VPS13B: variants seen among roughly 807,000 people sequenced by gnomAD.
The protein encoded by VPS13B is intermembrane lipid transfer protein VPS13B.
A neutral mutation model predicts 426.4 loss-of-function variants in VPS13B; 285 were observed. That is an observed-to-expected ratio of 0.67 (90% CI 0.61 to 0.74). VPS13B has a LOEUF of 0.74. Ranked by LOEUF, VPS13B falls within the 30% of genes least tolerant of loss-of-function variation. The pLI is 0.00. For synonymous variants in VPS13B, 1,676 were observed against 1,676.4 expected (o/e 1.00, Z 0.01); for missense variants, 4,537 against 4,782.6 (o/e 0.95, Z 1.51).
chr8:99,361,799 A>T (rs1374830611), intron 19 of VPS13B, among the ~76,000 whole-genome samples: 1 of 152,192 alleles, frequency 6.6e-6, no homozygotes, highest in Non-Finnish European at 1.5e-5. Context: ...GTAATTTTTT[A>T]TCTAAGATAA....
chr8:99,354,377 A>T (rs1323871295), intron 19 of VPS13B, among the ~76,000 whole-genome samples: 3 of 146,646 alleles, frequency 2.0e-5, no homozygotes, highest in Non-Finnish European at 4.5e-5. Context: ...TGGGAAACTT[A>T]AAACTAAAAT....
At chr8:99,122,229 A>G (rs1271117487) in intron 8 of VPS13B, among the ~76,000 whole-genome samples, 2 of 151,542 alleles carry the variant, frequency 1.3e-5, no homozygotes, top group Non-Finnish European at 2.9e-5. Context: ...TCGCTTTTCA[A>G]GACAAAATTG....
At chr8:99,289,060 AAT>A (rs1467598556) in intron 19 of VPS13B, among the ~76,000 whole-genome samples, 4 of 151,742 alleles carry the variant, frequency 2.6e-5, no homozygotes, top group Non-Finnish European at 5.9e-5. Flanking sequence ...TGAATGAATG[AAT>A]GAAAGAAGGA....
In VPS13B at chr8:99,871,662, C is replaced by G. The variant is rs545957190; in HGVS notation, c.11710C>G (p.Gln3904Glu). The G allele has an allele frequency of 5.1e-5, 82 of 1,614,034 alleles. No individual in the cohort carries two copies. The Middle Eastern group carries it at 1.3e-3, about 27-fold the overall frequency. ...DSKQNNLLTV[Q>E]LKQPRVACDV... ...CAAGCAGAACAACTTACTCACAGTG[C>G]AGCTCAAGCAGCCAAGAGTGGCCTG... is the stretch of plus-strand genomic sequence containing the variant. The change falls in exon 61 of 62, where the codon CAG (glutamine) becomes GAG (glutamate). Residue 3904 changes from glutamine (Q) to glutamate (E), a missense_variant. By Grantham distance (29) the Gln-to-Glu change is conservative. Coordinates refer to ENST00000357162, the MANE Select transcript of VPS13B (RefSeq NM_152564.5).
chr8:99,343,120 A>G (rs1811343673), intron 19 of VPS13B, among the ~76,000 whole-genome samples: 2 of 143,980 alleles, frequency 1.4e-5, no homozygotes, highest in East Asian at 2.0e-4. Context: ...TTGAGACGGG[A>G]GTCTCGCTCT....
chr8:99,068,422 A>G (rs908570867), intron 3 of VPS13B, among the ~76,000 whole-genome samples: 1 of 152,312 alleles, frequency 6.6e-6, no homozygotes, highest in Non-Finnish European at 1.5e-5. Context: ...TAATCAAACT[A>G]TGCCCCATGG....
intron 16 of VPS13B, among the ~76,000 whole-genome samples, chr8:99,175,649 T>A (rs560461897): frequency 6.6e-6 from 1 of 152,030 alleles, no homozygotes; most frequent in Non-Finnish European, 1.5e-5. Flanking sequence ...CTCAGCTGTT[T>A]AGGAGGCTGA....
chr8:99,337,264 C>T (rs1810955175), intron 19 of VPS13B, among the ~76,000 whole-genome samples: 1 of 148,996 alleles, frequency 6.7e-6, no homozygotes, highest in South Asian at 2.1e-4. Flanking sequence ...ATCACAAGAA[C>T]AAAAAACCAA....
intron 33 of VPS13B, among the ~76,000 whole-genome samples, chr8:99,627,600 C>T (rs1471220553): frequency 6.6e-6 from 1 of 151,864 alleles, no homozygotes; most frequent in Non-Finnish European, 1.5e-5. Flanking sequence ...GCCAGGCTGG[C>T]CTTGAACTCC....
At chr8:99,529,139 T>TA (rs1287197818) in intron 30 of VPS13B, among the ~76,000 whole-genome samples, 11 of 152,274 alleles carry the variant, frequency 7.2e-5, no homozygotes, top group African/African-American at 2.6e-4. Flanking sequence ...TGTTTATTTT[T>TA]AAAAAATCAA....
intron 33 of VPS13B, among the ~76,000 whole-genome samples, chr8:99,633,666 C>A (rs770829737): frequency 6.6e-6 from 1 of 151,962 alleles, no homozygotes; most frequent in Non-Finnish European, 1.5e-5. Flanking sequence ...CCTTGGATTT[C>A]ATCAGTCTGA....
At chr8:99,416,107 C>T (rs1185588523) in intron 21 of VPS13B, among the ~76,000 whole-genome samples, 1 of 152,206 alleles carries the variant, frequency 6.6e-6, no homozygotes, top group Non-Finnish European at 1.5e-5. Context: ...TTCAGAGATG[C>T]TCTGCACAGA....
Position 99,776,789 on chromosome 8 carries a change from C to G in VPS13B, c.7262C>G (p.Ser2421Cys), listed in dbSNP as rs1016168403. 6.2e-6 allele frequency: 10 copies of G among 1,614,034 alleles called. No homozygotes were observed. The highest frequency in any genetic ancestry group is 7.6e-6 in the Non-Finnish European group (9 of 1,179,926). The part of the protein sequence containing the change: ...GADDQSSASE[S>C]GSQSTCDPLV... ...CTTTCCCATAGCTCTGCAAGTGAGT[C>G]TGGTTCTCAAAGCACTTGTGATCCA... The change falls in exon 41 of 62, where the codon TCT becomes TGT. Residue 2421 changes from serine to cysteine, a missense_variant. Ser to Cys is a moderately radical substitution (Grantham distance 112). This residue lies in a region of VPS13B where 4,311 missense variants were observed against 4,474.3 expected (regional missense o/e 0.96). Transcript: ENST00000357162.
intron 30 of VPS13B, among the ~76,000 whole-genome samples, chr8:99,554,411 C>T (rs1273927916): frequency 6.6e-6 from 1 of 151,984 alleles, no homozygotes; most frequent in Non-Finnish European, 1.5e-5. Flanking sequence ...ATTTATGTGG[C>T]CCTGATTCAA....
chr8:99,855,700 T>A (rs962440082), intron 56 of VPS13B, among the ~76,000 whole-genome samples: 1 of 152,186 alleles, frequency 6.6e-6, no homozygotes, highest in African/African-American at 2.4e-5. Context: ...TATTGCCATA[T>A]TGGTCAGATT....
At position 99,193,054 on chromosome 8, in the gene VPS13B, A is replaced by G. The variant is rs147924250; in HGVS notation, c.2512A>G (p.Ile838Val). The change falls in exon 17 of 62, where the codon ATA becomes GTA. Residue 838 changes from isoleucine (I) to valine (V), a missense_variant. Ile to Val is a conservative substitution (Grantham distance 29, BLOSUM62 3). This residue lies in a region of VPS13B where 4,311 missense variants were observed against 4,474.3 expected (regional missense o/e 0.96). Coordinates refer to ENST00000357162, the MANE Select transcript of VPS13B (RefSeq NM_152564.5). ...TTTGATAAATGAAATCTTCCTAAGT[A>G]TAGGTAAGAGCACAGTCTTTTTGAT... ...EALINEIFLSIGVKSKNPLPT... is the reference protein window; with the variant it reads ...EALINEIFLSVGVKSKNPLPT... The G allele has an allele frequency of 2.1e-5, 34 of 1,613,364 alleles. No individual in the cohort carries two copies. The highest frequency in any genetic ancestry group is 2.1e-4 in the South Asian group (19 of 91,070).
At chr8:99,521,072 G>C in intron 30 of VPS13B, 62 bp downstream of exon 30, 1 of 1,304,138 alleles carries the variant, frequency 7.7e-7, no homozygotes, top group South Asian at 1.2e-5. Context: ...ACATATAGTG[G>C]TCAATAACTT....
chr8:99,859,844 A>T (rs548704466), intron 57 of VPS13B, among the ~76,000 whole-genome samples: 62 of 152,322 alleles, frequency 4.1e-4, no homozygotes, highest in African/African-American at 1.4e-3. Context: ...ATATTTTTTT[A>T]AATGTAGATA....
chr8:99,109,670 T>G (rs895672891), intron 5 of VPS13B, among the ~76,000 whole-genome samples: 1 of 152,194 alleles, frequency 6.6e-6, no homozygotes, highest in Non-Finnish European at 1.5e-5. Context: ...TGAACCACCA[T>G]GCCTGGCCTG....
Sources: allele counts gnomAD v4.1 joint callset (sites outside exome capture counted in the v4.1 genomes callset), GRCh38; gene constraint gnomAD v4.1.1; regional missense constraint gnomAD v4.1.1; transcripts MANE v1.5; gene names NCBI Gene and HGNC (gene_info 2026-07-23, HGNC 2026-07-21).